The following NLGN1 variants were observed in gnomAD, a reference collection of about 807,000 sequenced individuals.
NLGN1 encodes neuroligin 1.
A neutral mutation model predicts 65.5 loss-of-function variants in NLGN1; 12 were observed. That is an observed-to-expected ratio of 0.18 (90% CI 0.12 to 0.30). The LOEUF is 0.30. NLGN1 is among the 10% of genes least tolerant of loss of function. NLGN1 has a pLI of 1.00. For missense variants in NLGN1, 750 were observed against 1,007.1 expected, an observed-to-expected ratio of 0.74 and a Z score of 3.46; for synonymous variants, 350 against 359.5, an observed-to-expected ratio of 0.97 and a Z score of 0.30.
At chr3:174,172,480 A>G (rs1728724200) in intron 4 of NLGN1, among the ~76,000 whole-genome samples, 1 of 143,658 alleles carries the variant, frequency 7.0e-6, no homozygotes, top group African/African-American at 2.9e-5. Context: ...ACCCAATTTG[A>G]TGTGATTTTT....
intron 3 of NLGN1, among the ~76,000 whole-genome samples, chr3:173,702,012 G>C (rs1426596965): frequency 6.6e-6 from 1 of 152,130 alleles, no homozygotes; most frequent in Non-Finnish European, 1.5e-5. Context: ...GGCCGAGGCG[G>C]GTGGATCACG....
intron 4 of NLGN1, among the ~76,000 whole-genome samples, chr3:173,865,494 A>G (rs1729956801): frequency 1.3e-5 from 2 of 152,158 alleles, no homozygotes; most frequent in South Asian, 4.1e-4. Flanking sequence ...GTACTAAGTA[A>G]TTTATTCCTC....
intron 3 of NLGN1, among the ~76,000 whole-genome samples, chr3:173,692,915 G>A (rs1055625477): frequency 1.3e-5 from 2 of 152,040 alleles, no homozygotes; most frequent in Admixed American, 1.3e-4. Flanking sequence ...AGTCAAAAGC[G>A]CATGCCTGAT....
chr3:173,660,152 T>G (rs1164937427), intron 3 of NLGN1, among the ~76,000 whole-genome samples: 2 of 151,888 alleles, frequency 1.3e-5, no homozygotes, highest in Non-Finnish European at 2.9e-5. Flanking sequence ...TTCCACTGTG[T>G]CAGCCCCAAG....
At chr3:174,286,514 T>A (rs1163388211) in exon 7 of NLGN1, 1 of 151,566 alleles carries the variant, frequency 6.6e-6, no homozygotes, top group Non-Finnish European at 1.5e-5. Context: ...TTTAGCAAAT[T>A]AATGGGACAT....
chr3:174,045,960 AG>A (rs1733487862), intron 4 of NLGN1, among the ~76,000 whole-genome samples: 1 of 152,186 alleles, frequency 6.6e-6, no homozygotes, highest in African/African-American at 2.4e-5. Context: ...AAGAAATCTG[AG>A]GAAAAGCATT....
intron 3 of NLGN1, among the ~76,000 whole-genome samples, chr3:173,784,584 GAGAA>G (rs527443511): frequency 7.3e-4 from 111 of 152,202 alleles, no homozygotes; most frequent in Admixed American, 1.2e-3. Context: ...GGCAGACAGA[GAGAA>G]AGACAGAGAA....
At chr3:173,662,639 C>G (rs1502484) in intron 3 of NLGN1, among the ~76,000 whole-genome samples, 62,464 of 151,376 alleles carry the variant, frequency 0.41, 13,737 homozygotes, top group African/African-American at 0.59. Context: ...TGTTTTCATT[C>G]GGGTCTTTCT....
chr3:174,145,051 C>G (rs903162039), intron 4 of NLGN1, among the ~76,000 whole-genome samples: 4 of 151,976 alleles, frequency 2.6e-5, no homozygotes, highest in East Asian at 1.9e-4. Flanking sequence ...ACATTTAAGT[C>G]TTTAATTCAT....
intron 2 of NLGN1, among the ~76,000 whole-genome samples, chr3:173,569,256 CTGGGAT>C (rs1228079617): frequency 2.0e-5 from 3 of 151,922 alleles, no homozygotes; most frequent in Non-Finnish European, 4.4e-5. Context: ...ACACGGATAC[CTGGGAT>C]TGTGAGCTTT....
At chr3:173,763,534 C>T (rs1778314679) in intron 3 of NLGN1, among the ~76,000 whole-genome samples, 1 of 152,026 alleles carries the variant, frequency 6.6e-6, no homozygotes, top group South Asian at 2.1e-4. Flanking sequence ...CTTTATTTCT[C>T]ATTCATTTTT....
chr3:174,270,125 C>CTTCTT (rs1349568271), intron 4 of NLGN1, among the ~76,000 whole-genome samples: 144 of 120,068 alleles, frequency 1.2e-3, no homozygotes, highest in African/African-American at 4.3e-3. Flanking sequence ...GGTTTCCTTT[C>CTTCTT]TTTTTTTTTT....
chr3:174,068,111 CTG>C (rs1343479565), intron 4 of NLGN1, among the ~76,000 whole-genome samples: 2 of 151,942 alleles, frequency 1.3e-5, no homozygotes, highest in African/African-American at 4.8e-5. Context: ...ATTTTAGGCA[CTG>C]TGAAGATAGC....
chr3:173,520,902 C>A (rs1049583476), intron 2 of NLGN1, among the ~76,000 whole-genome samples: 1 of 152,076 alleles, frequency 6.6e-6, no homozygotes, highest in Admixed American at 6.6e-5. Context: ...TTTGTGGCCA[C>A]CTCGGTTGGC....
chr3:173,427,562 A>C (rs1043191139), intron 1 of NLGN1, among the ~76,000 whole-genome samples: 2 of 151,820 alleles, frequency 1.3e-5, no homozygotes, highest in African/African-American at 4.8e-5. Flanking sequence ...CAATGTGTTC[A>C]TTGACCCATT....
At chr3:173,657,291 C>T (rs1005692096) in intron 3 of NLGN1, among the ~76,000 whole-genome samples, 4 of 151,970 alleles carry the variant, frequency 2.6e-5, no homozygotes, top group Non-Finnish European at 5.9e-5. Context: ...TCTTCCAACT[C>T]CATGTGCTGC....
Position 173,683,983 on chromosome 3 carries a change from A to G in NLGN1, c.493+78892A>G, listed in dbSNP as rs563586398. 1.9e-4 allele frequency among the ~76,000 whole-genome samples: 29 copies of G among 152,290 alleles called. No homozygotes were observed. In the South Asian group the frequency reaches 5.4e-3, roughly 28 times the overall value. On this transcript the variant is annotated intron_variant, in intron 3 of 6. Coordinates refer to ENST00000457714, the Ensembl canonical transcript of NLGN1. ...TATCTTTAATCACAGTAAACAAATCATATATCATTATATGATTATGATTTA... is the reference window on the plus strand; with the variant it reads ...TATCTTTAATCACAGTAAACAAATCGTATATCATTATATGATTATGATTTA...
chr3:174,254,921 T>C (rs888027951), intron 4 of NLGN1, among the ~76,000 whole-genome samples: 1 of 152,154 alleles, frequency 6.6e-6, no homozygotes, highest in South Asian at 2.1e-4. Flanking sequence ...TTTTAACTAC[T>C]TTTTTTCCAG....
chr3:174,267,447 A>G (rs1449530341), intron 4 of NLGN1, among the ~76,000 whole-genome samples: 7 of 152,116 alleles, frequency 4.6e-5, no homozygotes, highest in Admixed American at 2.6e-4. Flanking sequence ...CTATACTAAC[A>G]TCCTGGTTAT....
Sources: gnomAD v4.1 joint callset for allele counts (sites outside exome capture counted in the v4.1 genomes callset) on GRCh38, gnomAD v4.1.1 for gene constraint, MANE v1.5 for transcripts, NCBI Gene and HGNC (gene_info 2026-07-23, HGNC 2026-07-21) for gene names.